Variants in CELF2 observed in about 807,000 individuals in gnomAD.
CELF2 encodes the protein CUGBP Elav-like family member 2.
A neutral mutation model predicts 62.6 loss-of-function variants in CELF2; 8 were observed. The ratio of observed to expected loss-of-function variants is 0.13; its 90% confidence interval spans 0.07 to 0.23. CELF2 has a LOEUF of 0.23. CELF2 is among the 10% of genes least tolerant of loss of function. CELF2 has a pLI of 1.00. For missense variants in CELF2, 333 were observed against 671.0 expected, an observed-to-expected ratio of 0.50 and a Z score of 5.56; for synonymous variants, 258 against 250.0, an observed-to-expected ratio of 1.03 and a Z score of -0.30.
At chr10:11,250,816 G>A (rs1051233097) in intron 4 of CELF2, among the ~76,000 whole-genome samples, 1 of 152,244 alleles carries the variant, frequency 6.6e-6, no homozygotes, top group Admixed American at 6.5e-5. Flanking sequence ...AACAGTCTCT[G>A]TAATGATAGA....
the CELF2 span, among the ~76,000 whole-genome samples, chr10:10,605,036 G>A: frequency 3.3e-4 from 50 of 152,246 alleles, no homozygotes; most frequent in African/African-American, 8.9e-4. Flanking sequence ...GCCCATCAAC[G>A]ATAGACTGGA....
chr10:10,611,024 G>A, the CELF2 span, among the ~76,000 whole-genome samples: 1 of 152,148 alleles, frequency 6.6e-6, no homozygotes, highest in African/African-American at 2.4e-5. Context: ...GAGTTTGGAC[G>A]AGGTGCTCTG....
At chr10:10,980,431 T>G (rs2051942811) in intron 2 of CELF2, among the ~76,000 whole-genome samples, 1 of 152,200 alleles carries the variant, frequency 6.6e-6, no homozygotes, top group Non-Finnish European at 1.5e-5. Context: ...GTGCCTCTAT[T>G]GTAAGAGGCA....
chr10:10,569,632 C>T, the CELF2 span, among the ~76,000 whole-genome samples: 1 of 152,102 alleles, frequency 6.6e-6, no homozygotes, highest in Non-Finnish European at 1.5e-5. Flanking sequence ...ACAAAAAGCA[C>T]CCTATACATT....
intron 2 of CELF2, among the ~76,000 whole-genome samples, chr10:10,975,873 C>T (rs942832809): frequency 6.6e-6 from 1 of 152,166 alleles, no homozygotes; most frequent in Non-Finnish European, 1.5e-5. Flanking sequence ...GACTCATAGG[C>T]AACACACTAA....
At chr10:10,571,984 T>C in the CELF2 span, among the ~76,000 whole-genome samples, 1 of 152,066 alleles carries the variant, frequency 6.6e-6, no homozygotes, top group Non-Finnish European at 1.5e-5. Flanking sequence ...GGCAGAACAG[T>C]CTGATGGGAT....
At position 10,977,385 on chromosome 10, in the gene CELF2, G is replaced by A. The variant is rs548047402; in HGVS notation, c.89+57386G>A. 3.9e-5 allele frequency among the ~76,000 whole-genome samples: 6 copies of A among 152,082 alleles called. No individual in the cohort carries two copies. The South Asian group carries it at 1.2e-3, about 32-fold the overall frequency. ...GCAAGAAGTATCTTTAGTCTTTGGG[G>A]GATATTGTACACAGCAGACACATTG... On this transcript the variant is annotated intron_variant, in intron 2 of 13. Transcript: ENST00000636488.
intron 2 of CELF2, among the ~76,000 whole-genome samples, chr10:11,202,607 C>T (rs187186262): frequency 6.6e-6 from 1 of 152,190 alleles, no homozygotes; most frequent in Non-Finnish European, 1.5e-5. Context: ...ATTCAGGGAG[C>T]TAAGACTTGC....
At chr10:11,240,511 G>A (rs1415037489) in intron 3 of CELF2, among the ~76,000 whole-genome samples, 1 of 152,214 alleles carries the variant, frequency 6.6e-6, no homozygotes, top group Admixed American at 6.5e-5. Context: ...CACTGTGTGA[G>A]TTTTGAACCT....
At chr10:10,673,038 T>A in the CELF2 span, among the ~76,000 whole-genome samples, 2 of 152,166 alleles carry the variant, frequency 1.3e-5, no homozygotes, top group African/African-American at 2.4e-5. Flanking sequence ...CTAAGCATTT[T>A]TTTTTGAGGG....
chr10:10,569,846 A>C, the CELF2 span, among the ~76,000 whole-genome samples: 1 of 152,172 alleles, frequency 6.6e-6, no homozygotes, highest in Non-Finnish European at 1.5e-5. Context: ...AACTCTGGAC[A>C]TCAGGAGAAT....
chr10:10,652,713 C>T, the CELF2 span, among the ~76,000 whole-genome samples: 1 of 151,900 alleles, frequency 6.6e-6, no homozygotes, highest in Non-Finnish European at 1.5e-5. Context: ...AAAAGAGCTC[C>T]TGAAGGAAGT....
chr10:11,061,157 A>G (rs1274717993), intron 1 of CELF2, among the ~76,000 whole-genome samples: 1 of 152,248 alleles, frequency 6.6e-6, no homozygotes, highest in East Asian at 1.9e-4. Flanking sequence ...GCAAAGGAAA[A>G]GTTCTTGAAG....
intron 9 of CELF2, among the ~76,000 whole-genome samples, chr10:11,299,198 G>A (rs776078367): frequency 4.2e-4 from 64 of 152,336 alleles, no homozygotes; most frequent in African/African-American, 1.4e-3. Context: ...CTGCACTAAG[G>A]GTCAGGCCTG....
chr10:11,204,592 C>T (rs904752623), intron 2 of CELF2, among the ~76,000 whole-genome samples: 5 of 152,238 alleles, frequency 3.3e-5, no homozygotes, highest in Admixed American at 6.5e-5. Flanking sequence ...AGCAGCCACC[C>T]GCAGAGAGCT....
the CELF2 span, among the ~76,000 whole-genome samples, chr10:10,475,283 C>T: frequency 6.6e-6 from 1 of 151,948 alleles, no homozygotes. Flanking sequence ...TTCTCAGTAG[C>T]ATTTCAGTGG....
At chr10:11,088,864 G>A (rs2047533829) in intron 1 of CELF2, among the ~76,000 whole-genome samples, 1 of 152,162 alleles carries the variant, frequency 6.6e-6, no homozygotes, top group Non-Finnish European at 1.5e-5. Context: ...GAGTCATCTG[G>A]AGGTGTCCTC....
rs370264738 is a variant in CELF2 at position 11,120,967 on chromosome 10, C to T, written c.75-44519C>T. Among the ~76,000 whole-genome samples, 32 of 152,290 alleles carry T rather than the reference C, an allele frequency of 2.1e-4. No individual in the cohort carries two copies. The East Asian group carries it at 2.9e-3, about 14-fold the overall frequency. On this transcript the variant is annotated intron_variant, in intron 1 of 12. Transcript: ENST00000633077. Reference sequence around the variant, plus strand: ...GCTTTTAAGCGCGTCCATTTGCAGACGTGCCAAGAGCTTGCAAGGAGGTGT... The same window carrying T: ...GCTTTTAAGCGCGTCCATTTGCAGATGTGCCAAGAGCTTGCAAGGAGGTGT...
At chr10:10,554,334 G>A in the CELF2 span, among the ~76,000 whole-genome samples, 2 of 152,212 alleles carry the variant, frequency 1.3e-5, no homozygotes, top group African/African-American at 2.4e-5. Flanking sequence ...TCAGCAGAGA[G>A]CATGCGTTCC....
Sources: allele counts gnomAD v4.1 joint callset (sites outside exome capture counted in the v4.1 genomes callset), GRCh38; gene constraint gnomAD v4.1.1; transcripts MANE v1.5; gene names NCBI Gene and HGNC (gene_info 2026-07-23, HGNC 2026-07-21).